The following KCNH1 variants were observed in gnomAD, a reference collection of about 807,000 sequenced individuals.
KCNH1 encodes voltage-gated delayed rectifier potassium channel KCNH1.
Under a neutral mutation model 69.2 loss-of-function variants are expected in KCNH1, and 27 were observed. The observed-to-expected ratio is 0.39, with a 90% confidence interval of 0.29 to 0.54. KCNH1 has a LOEUF of 0.54. KCNH1 is among the 20% of genes least tolerant of loss of function. The pLI, the probability that KCNH1 is intolerant of heterozygous loss-of-function variation, is 0.68. For missense variants in KCNH1, 798 were observed against 1,261.6 expected (o/e 0.63, Z 5.57); for synonymous variants, 456 against 487.7 (o/e 0.93, Z 0.86).
chr1:210,692,661 G>A (rs1681550743), intron 10 of KCNH1, among the ~76,000 whole-genome samples: 1 of 152,154 alleles, frequency 6.6e-6, no homozygotes, highest in Non-Finnish European at 1.5e-5. Context: ...GTCATTACAA[G>A]AGACAGGGAA....
chr1:210,974,766 G>A (rs1024232711), intron 6 of KCNH1, among the ~76,000 whole-genome samples: 4 of 151,862 alleles, frequency 2.6e-5, no homozygotes, highest in African/African-American at 9.7e-5. Flanking sequence ...GTTTCACTGT[G>A]TTATCCACGA....
intron 5 of KCNH1, among the ~76,000 whole-genome samples, chr1:211,026,113 A>C (rs947457371): frequency 2.4e-4 from 36 of 152,220 alleles, no homozygotes; most frequent in African/African-American, 8.7e-4. Flanking sequence ...ACAAGAATAC[A>C]GCAAATAAAT....
intron 5 of KCNH1, among the ~76,000 whole-genome samples, chr1:211,069,317 C>A (rs1353043929): frequency 7.9e-6 from 1 of 127,296 alleles, no homozygotes; most frequent in Admixed American, 9.7e-5. Flanking sequence ...TACTAAATGC[C>A]CTATTTACCT....
At chr1:210,738,597 G>T (rs1179014850) in intron 10 of KCNH1, among the ~76,000 whole-genome samples, 2 of 107,298 alleles carry the variant, frequency 1.9e-5, no homozygotes, top group Non-Finnish European at 1.7e-5. Context: ...ACAGGGTCTT[G>T]CTCTGTCACT....
At chr1:210,855,128 A>C (rs1286062474) in intron 7 of KCNH1, among the ~76,000 whole-genome samples, 1 of 152,202 alleles carries the variant, frequency 6.6e-6, no homozygotes, top group Non-Finnish European at 1.5e-5. Context: ...AGCATCAGCT[A>C]AAGTTTTATC....
At position 211,104,414 on chromosome 1, in the gene KCNH1, A is replaced by C. The variant is rs181647426; in HGVS notation, c.204-812T>G. Among the ~76,000 whole-genome samples, 385 of 152,194 alleles carry C rather than the reference A, an allele frequency of 2.5e-3. 1 individual carries two copies. Among genetic ancestry groups the C allele is most frequent in the African/African-American group, 8.6e-3 (356 of 41,522 alleles). ...AATTCATTTATTTAAATGTACATGT[A>C]ATTTATTAGAGAAAACCTCAGGATA... is the stretch of plus-strand genomic sequence containing the variant. On this transcript the variant is annotated intron_variant, in intron 2 of 10. Coordinates refer to ENST00000271751, the MANE Select transcript of KCNH1 (RefSeq NM_172362.3).
intron 6 of KCNH1, among the ~76,000 whole-genome samples, chr1:210,998,648 T>A (rs916233714): frequency 6.6e-6 from 1 of 152,212 alleles, no homozygotes; most frequent in Non-Finnish European, 1.5e-5. Flanking sequence ...AACTCAGCTC[T>A]GCCCCAAGCA....
intron 6 of KCNH1, among the ~76,000 whole-genome samples, chr1:210,954,057 C>T (rs1688113661): frequency 6.6e-6 from 1 of 151,882 alleles, no homozygotes; most frequent in African/African-American, 2.4e-5. Flanking sequence ...AGCCTCCCAG[C>T]CCCCCATCCC....
Position 210,849,348 on chromosome 1 carries a change from T to C in KCNH1, c.1463-45182A>G, listed in dbSNP as rs545932339. Among the ~76,000 whole-genome samples, 6 of 150,426 alleles carry C rather than the reference T, an allele frequency of 4.0e-5. No homozygotes were observed. The East Asian group carries it at 1.2e-3, about 29-fold the overall frequency. On this transcript the variant is annotated intron_variant, in intron 7 of 10. Coordinates refer to ENST00000271751, the MANE Select transcript of KCNH1 (RefSeq NM_172362.3). ...AGCCATGAGCCTTTTTTTGCGTGTGTGTGCTTTTCTTTCTTTCTTTTTTTT... is the reference window on the plus strand; with the variant it reads ...AGCCATGAGCCTTTTTTTGCGTGTGCGTGCTTTTCTTTCTTTCTTTTTTTT...
intron 7 of KCNH1, among the ~76,000 whole-genome samples, chr1:210,827,494 A>T (rs1685057149): frequency 6.6e-6 from 1 of 152,228 alleles, no homozygotes; most frequent in Non-Finnish European, 1.5e-5. Flanking sequence ...GATGACTAAG[A>T]CAATTTCTAT....
intron 1 of KCNH1, among the ~76,000 whole-genome samples, chr1:211,120,376 G>A (rs1691664086): frequency 6.6e-6 from 1 of 151,870 alleles, no homozygotes; most frequent in Admixed American, 6.6e-5. Context: ...TTTTAGTAGA[G>A]ACGGGATTTC....
chr1:211,033,054 T>C (rs1395214096), intron 5 of KCNH1, among the ~76,000 whole-genome samples: 8 of 152,046 alleles, frequency 5.3e-5, no homozygotes, highest in Non-Finnish European at 4.4e-5. Context: ...TGAACTCAAA[T>C]AAATTTACAA....
intron 1 of KCNH1, among the ~76,000 whole-genome samples, chr1:211,120,097 T>C (rs897662808): frequency 6.6e-6 from 1 of 152,224 alleles, no homozygotes. Flanking sequence ...AGTGATATCT[T>C]GAATTACTGC....
At chr1:210,975,909 A>C (rs930382561) in intron 6 of KCNH1, among the ~76,000 whole-genome samples, 1 of 152,224 alleles carries the variant, frequency 6.6e-6, no homozygotes, top group Admixed American at 6.5e-5. Flanking sequence ...TACAAGAAAA[A>C]AACAAACAAC....
chr1:211,058,622 A>C (rs1690360112), intron 5 of KCNH1, among the ~76,000 whole-genome samples: 1 of 152,188 alleles, frequency 6.6e-6, no homozygotes, highest in South Asian at 2.1e-4. Flanking sequence ...AAAAGCAAGA[A>C]AATAAAACCC....
At chr1:210,799,108 TA>T (rs35131865) in intron 8 of KCNH1, among the ~76,000 whole-genome samples, 3,887 of 144,438 alleles carry the variant, frequency 0.027, 71 homozygotes, top group Non-Finnish European at 0.038. Context: ...AAGAAAACAA[TA>T]AAAAAAAAAG....
In KCNH1 at chr1:210,704,288, G is replaced by T. The variant is rs144402780; in HGVS notation, c.2113-20150C>A. Among the ~76,000 whole-genome samples the T allele has an allele frequency of 5.8e-3, 877 of 152,216 alleles. 6 individuals are homozygous for T. The highest frequency in any genetic ancestry group is 9.0e-3 in the Admixed American group (138 of 15,276). The stretch of plus-strand genomic sequence containing the variant: ...ACTTCCTGGCCATTTCAGCGTTTAG[G>T]TTATCAACCTCATTTCTAATAACAA... On this transcript the variant is annotated intron_variant, in intron 10 of 10. Transcript: ENST00000271751.
chr1:210,686,532 G>A (rs903358040), intron 10 of KCNH1, among the ~76,000 whole-genome samples: 2 of 152,320 alleles, frequency 1.3e-5, no homozygotes, highest in East Asian at 3.9e-4. Flanking sequence ...TTCTTAGAGA[G>A]GAGAGGAGAG....
intron 7 of KCNH1, among the ~76,000 whole-genome samples, chr1:210,864,801 A>C (rs549486243): frequency 5.1e-4 from 77 of 152,350 alleles, no homozygotes; most frequent in Admixed American, 8.5e-4. Flanking sequence ...CTGGAGCCTC[A>C]GCCGGAAAGA....
Sources: allele counts gnomAD v4.1 joint callset (sites outside exome capture counted in the v4.1 genomes callset), GRCh38; gene constraint gnomAD v4.1.1; transcripts MANE v1.5; gene names NCBI Gene and HGNC (gene_info 2026-07-23, HGNC 2026-07-21).